MAST2: variants seen among roughly 807,000 people sequenced by gnomAD.
MAST2 encodes microtubule-associated serine/threonine-protein kinase 2.
In MAST2, 70 loss-of-function variants were observed where a neutral mutation model predicts 147.4. The ratio of observed to expected loss-of-function variants is 0.47; its 90% CI spans 0.39 to 0.58. MAST2 has a LOEUF of 0.58. MAST2 is among the 20% of genes least tolerant of loss of function. The pLI is 0.00. For synonymous variants in MAST2, 869 were observed against 896.8 expected, an observed-to-expected ratio of 0.97 and a Z score of 0.55; for missense variants, 2,080 against 2,302.3, an observed-to-expected ratio of 0.90 and a Z score of 1.98.
chr1:46,034,523 TGTCTCTGTACAAA>T lies in MAST2; in HGVS notation c.3869-12_3869del. The T allele has an allele frequency of 6.2e-7, 1 of 1,607,806 alleles. No individual in the cohort carries two copies. The highest frequency in any genetic ancestry group is 8.5e-7 in the Non-Finnish European group (1 of 1,176,208). The stretch of plus-strand genomic sequence containing the variant: ...CTCTGCTTTTGTCTGTCTGTCTGTC[TGTCTCTGTACAAA>T]GTGGGAGGGAATTCATCACAGAGCA... On this transcript the variant is annotated splice_acceptor_variant and splice_polypyrimidine_tract_variant and intron_variant, in intron 28 of 28. Coordinates refer to ENST00000361297, the MANE Select transcript of MAST2 (RefSeq NM_015112.3). LOFTEE classifies it high-confidence loss of function.
At position 46,034,647 on chromosome 1, in the gene MAST2, C is replaced by T. The variant is rs1646824244; in HGVS notation, c.3978C>T (p.Leu1326=). Reference sequence around the variant, plus strand: ...CCCTCCACGGTCTGGCACCCAAGCTCCAACGCCAGTACCGCTCTCCACGGC... The same window carrying T: ...CCCTCCACGGTCTGGCACCCAAGCTTCAACGCCAGTACCGCTCTCCACGGC... ...PSSLHGLAPK[L]QRQYRSPRRK... is the part of the protein sequence containing the mutation. Residue 1326 remains leucine, a synonymous_variant, in exon 29 of 29, where the codon CTC becomes CTT. Coordinates refer to ENST00000361297, the MANE Select transcript of MAST2 (RefSeq NM_015112.3). 6.2e-7 allele frequency: 1 copy of T among 1,614,062 alleles called. No individual in the cohort carries two copies. The highest frequency in any genetic ancestry group is 1.1e-5 in the South Asian group (1 of 91,090).
intron 5 of MAST2, among the ~76,000 whole-genome samples, chr1:45,983,452 C>T (rs189824547): frequency 5.9e-5 from 9 of 151,550 alleles, no homozygotes; most frequent in African/African-American, 4.8e-5. Flanking sequence ...CCTTTTCCCT[C>T]TCTATTCTGT....
intron 4 of MAST2, among the ~76,000 whole-genome samples, chr1:45,912,496 T>G (rs1651834592): frequency 6.6e-6 from 1 of 152,238 alleles, no homozygotes; most frequent in Non-Finnish European, 1.5e-5. Context: ...GATCCTGACT[T>G]CCTAAATTGA....
chr1:46,022,003 C>T lies in MAST2; in HGVS notation c.1344C>T (p.Ala448=), dbSNP rs1190854617. Residue 448 remains alanine (A), a synonymous_variant, in exon 12 of 29, where the codon GCC becomes GCT. Coordinates refer to ENST00000361297, the MANE Select transcript of MAST2 (RefSeq NM_015112.3). ...TTTTAGAAGCAGCTGAGGGCCACGC[C>T]AAAGAGGGACAAGGGATTAAATGTG... ...YHLLEAAEGH[A]KEGQGIKCDI... is the part of the protein sequence containing the mutation. The T allele has an allele frequency of 1.2e-6, 2 of 1,614,170 alleles. No individual in the cohort carries two copies. Among genetic ancestry groups the T allele is most frequent in the South Asian group, 2.2e-5 (2 of 91,082 alleles).
At position 45,882,345 on chromosome 1, in the gene MAST2, C is replaced by A. The variant is rs142240527; in HGVS notation, c.469-19C>A. On this transcript the variant is annotated intron_variant, in intron 3 of 28. Transcript: ENST00000361297. ...CAGATGGGTTCTTATTTCTAACTTG[C>A]ATATGTTTTGTTTTTCAGAAGGAGT... 326 of 1,603,834 alleles carry A rather than the reference C, an allele frequency of 2.0e-4. 5 individuals are homozygous for A. In the African/African-American group the frequency reaches 3.4e-3, roughly 17 times the overall value.
chr1:46,006,595 C>T (rs1440672462), intron 8 of MAST2, 200 bp downstream of exon 8: 1 of 389,642 alleles, frequency 2.6e-6, no homozygotes. Context: ...ACTTTATTTA[C>T]AAAAGAAAAA....
At chr1:45,992,531 G>A (rs1644891576) in intron 5 of MAST2, among the ~76,000 whole-genome samples, 1 of 152,106 alleles carries the variant, frequency 6.6e-6, no homozygotes, top group Admixed American at 6.5e-5. Flanking sequence ...TTGGGTAATA[G>A]AGTAATACTG....
chr1:45,885,794 G>A (rs921010970), intron 4 of MAST2, among the ~76,000 whole-genome samples: 1 of 152,166 alleles, frequency 6.6e-6, no homozygotes, highest in African/African-American at 2.4e-5. Flanking sequence ...AGATACAGTA[G>A]TGAATAAAGC....
At chr1:45,832,253 G>C (rs1644980626) in intron 3 of MAST2, among the ~76,000 whole-genome samples, 1 of 151,656 alleles carries the variant, frequency 6.6e-6, no homozygotes, top group Non-Finnish European at 1.5e-5. Context: ...TTTTGATCCA[G>C]ATGTCTGGGG....
At chr1:45,834,945 T>C (rs954434950) in intron 3 of MAST2, among the ~76,000 whole-genome samples, 5 of 152,114 alleles carry the variant, frequency 3.3e-5, no homozygotes, top group Non-Finnish European at 7.4e-5. Context: ...TCCCTGTCTT[T>C]TTTTTTTTCC....
intron 4 of MAST2, among the ~76,000 whole-genome samples, chr1:45,951,309 A>C (rs1658895640): frequency 6.6e-6 from 1 of 151,462 alleles, no homozygotes; most frequent in African/African-American, 2.4e-5. Flanking sequence ...GAGGCTGGAC[A>C]TGATGGCTTA....
intron 2 of MAST2, 74 bp from the exon 3 acceptor site, chr1:45,829,365 C>T: frequency 7.6e-7 from 1 of 1,317,614 alleles, no homozygotes; most frequent in East Asian, 2.6e-5. Context: ...CACTTGATAT[C>T]ACTGTATTTG....
intron 3 of MAST2, chr1:45,847,503 T>C: frequency 1.3e-6 from 1 of 794,772 alleles, no homozygotes; most frequent in South Asian, 1.4e-5. Context: ...TTTTTCCTTT[T>C]TTTCTTATTT....
chr1:45,874,080 C>CA (rs1314390437), intron 3 of MAST2, among the ~76,000 whole-genome samples: 1 of 152,170 alleles, frequency 6.6e-6, no homozygotes, highest in Non-Finnish European at 1.5e-5. Flanking sequence ...CTCGGCATCC[C>CA]AAAGTGCTGG....
rs146757389 is a variant in MAST2 at position 45,815,037 on chromosome 1, C to T, written c.178-9396C>T. ...ATTAGGTGATACCATCTTAGTTGTA[C>T]CAGCTTGAGTGTAGGTTCCTTAAGA... On this transcript the variant is annotated intron_variant, in intron 1 of 28. Coordinates refer to ENST00000361297, the MANE Select transcript of MAST2 (RefSeq NM_015112.3). 3.6e-3 allele frequency among the ~76,000 whole-genome samples: 541 copies of T among 152,228 alleles called. 2 individuals are homozygous for T. The highest frequency in any genetic ancestry group is 0.012 in the African/African-American group (510 of 41,534).
chr1:46,003,010 A>G (rs1645336535), intron 7 of MAST2, 127 bp downstream of exon 7: 2 of 956,682 alleles, frequency 2.1e-6, no homozygotes, highest in South Asian at 1.4e-5. Flanking sequence ...TTGCTGAGAG[A>G]TGATGTTGGG....
intron 4 of MAST2, among the ~76,000 whole-genome samples, chr1:45,924,515 C>G (rs1389390247): frequency 2.0e-5 from 3 of 152,112 alleles, no homozygotes; most frequent in Admixed American, 6.6e-5. Context: ...GGGGCGGGTT[C>G]CAGGGACTGC....
At chr1:46,013,187 A>G (rs1188134856) in intron 10 of MAST2, among the ~76,000 whole-genome samples, 2 of 152,204 alleles carry the variant, frequency 1.3e-5, no homozygotes, top group Non-Finnish European at 2.9e-5. Flanking sequence ...CGTGTAAGAA[A>G]GGTACTTAAT....
intron 1 of MAST2, among the ~76,000 whole-genome samples, chr1:45,820,526 G>A (rs1168640570): frequency 2.9e-4 from 44 of 152,064 alleles, no homozygotes; most frequent in Admixed American, 2.9e-3. Flanking sequence ...TCCTTGATAA[G>A]TTGTTTTTGT....
Sources: gnomAD v4.1 joint callset for allele counts (sites outside exome capture counted in the v4.1 genomes callset) on GRCh38, gnomAD v4.1.1 for gene constraint, MANE v1.5 for transcripts, NCBI Gene and HGNC (gene_info 2026-07-23, HGNC 2026-07-21) for gene names.